The following YWHAQ variants were observed in gnomAD, a reference collection of about 807,000 sequenced individuals.
YWHAQ encodes the protein 14-3-3 protein theta.
YWHAQ carries 6 observed loss-of-function variants against 28.3 expected under a neutral mutation model. That is an observed-to-expected ratio of 0.21 (90% CI 0.12 to 0.42). The LOEUF (loss-of-function observed/expected upper bound fraction) is 0.42, where lower values mean the gene tolerates loss of function less well. YWHAQ is among the 10% of genes least tolerant of loss of function. YWHAQ has a pLI of 1.00. For synonymous variants in YWHAQ, 143 were observed against 119.1 expected (o/e 1.20, Z -1.31); for missense variants, 201 against 305.6 (o/e 0.66, Z 2.55).
chr2:9,601,984 A>G (rs1006802615), intron 2 of YWHAQ, among the ~76,000 whole-genome samples: 2 of 152,210 alleles, frequency 1.3e-5, no homozygotes, highest in African/African-American at 4.8e-5. Flanking sequence ...AGTTGTCTAT[A>G]TATCAAATGA....
chr2:9,627,508 T>C (rs148148224), intron 2 of YWHAQ, among the ~76,000 whole-genome samples: 2 of 152,292 alleles, frequency 1.3e-5, no homozygotes, highest in African/African-American at 4.8e-5. Flanking sequence ...GATCACAGAC[T>C]GGTTAGTCAG....
At chr2:9,628,089 T>C (rs1477926213) in intron 2 of YWHAQ, among the ~76,000 whole-genome samples, 1 of 152,230 alleles carries the variant, frequency 6.6e-6, no homozygotes, top group Non-Finnish European at 1.5e-5. Context: ...CCTCCCCATA[T>C]TGCTCAGAGC....
At chr2:9,592,939 C>T (rs759544107) in intron 2 of YWHAQ, among the ~76,000 whole-genome samples, 6 of 152,110 alleles carry the variant, frequency 3.9e-5, no homozygotes, top group Non-Finnish European at 7.4e-5. Flanking sequence ...TTGAAAAGCA[C>T]TGCTCTAGGA....
intron 2 of YWHAQ, among the ~76,000 whole-genome samples, chr2:9,606,682 G>T (rs560408624): frequency 6.6e-6 from 1 of 151,512 alleles, no homozygotes; most frequent in Admixed American, 6.6e-5. Context: ...GGCACATGCC[G>T]CCACACTGGG....
intron 2 of YWHAQ, among the ~76,000 whole-genome samples, chr2:9,603,301 G>A (rs879803635): frequency 1.2e-4 from 17 of 143,536 alleles, no homozygotes; most frequent in Non-Finnish European, 9.0e-5. Context: ...CTGGAGTCTC[G>A]CTCTGTTGCC....
chr2:9,590,702 T>C (rs1336051423), intron 3 of YWHAQ, among the ~76,000 whole-genome samples: 1 of 152,188 alleles, frequency 6.6e-6, no homozygotes, highest in African/African-American at 2.4e-5. Flanking sequence ...TATCCATGTT[T>C]TCTATGATAG....
At chr2:9,605,110 A>G (rs1214521902) in intron 2 of YWHAQ, among the ~76,000 whole-genome samples, 1 of 151,842 alleles carries the variant, frequency 6.6e-6, no homozygotes, top group African/African-American at 2.4e-5. Context: ...ATTCCTAAGA[A>G]AAAATGATAG....
intron 2 of YWHAQ, among the ~76,000 whole-genome samples, chr2:9,629,462 C>G (rs114363831): frequency 0.023 from 3,548 of 152,296 alleles, 73 homozygotes; most frequent in Non-Finnish European, 0.039. Flanking sequence ...AGTTCAAAAC[C>G]TGGAAAGCTT....
At chr2:9,608,650 C>T (rs1010774467) in intron 2 of YWHAQ, among the ~76,000 whole-genome samples, 2 of 152,146 alleles carry the variant, frequency 1.3e-5, no homozygotes, top group Admixed American at 6.5e-5. Context: ...GCAACATCCA[C>T]GCTATTAAAA....
chr2:9,613,089 C>T (rs1666981760), intron 2 of YWHAQ, among the ~76,000 whole-genome samples: 1 of 152,156 alleles, frequency 6.6e-6, no homozygotes, highest in South Asian at 2.1e-4. Flanking sequence ...CTATTTTACT[C>T]GTCTAGCACC....
At chr2:9,587,338 G>A (rs1211231578) in intron 5 of YWHAQ, 76 bp downstream of exon 5, 2 of 1,335,602 alleles carry the variant, frequency 1.5e-6, no homozygotes, top group African/African-American at 3.0e-5. Flanking sequence ...TTCCCTAAAA[G>A]ACACGAAGTC....
chr2:9,616,443 CAAA>C (rs748362781), intron 2 of YWHAQ, among the ~76,000 whole-genome samples: 11 of 89,602 alleles, frequency 1.2e-4, no homozygotes, highest in Non-Finnish European at 1.3e-4. Flanking sequence ...CATAAGCAAC[CAAA>C]AAAAAAAAAA....
chr2:9,627,054 C>T (rs557728964), intron 2 of YWHAQ, among the ~76,000 whole-genome samples: 1 of 152,336 alleles, frequency 6.6e-6, no homozygotes, highest in East Asian at 1.9e-4. Context: ...TAACTCCCCT[C>T]ATCTTAGAGA....
intron 2 of YWHAQ, among the ~76,000 whole-genome samples, chr2:9,628,431 A>G (rs772433182): frequency 6.6e-6 from 1 of 152,218 alleles, no homozygotes; most frequent in Non-Finnish European, 1.5e-5. Flanking sequence ...AAAAAGCAGA[A>G]TTTATAAGAG....
At chr2:9,595,309 T>C (rs774008508) in intron 2 of YWHAQ, among the ~76,000 whole-genome samples, 7 of 152,180 alleles carry the variant, frequency 4.6e-5, no homozygotes, top group Admixed American at 2.0e-4. Context: ...AGATAGAATA[T>C]AGCCTATAAA....
At chr2:9,610,861 C>T (rs1223529328) in intron 2 of YWHAQ, among the ~76,000 whole-genome samples, 1 of 152,104 alleles carries the variant, frequency 6.6e-6, no homozygotes, top group Admixed American at 6.6e-5. Context: ...ACTATTGATT[C>T]TGCTCCCCTA....
In YWHAQ at chr2:9,630,292, C is replaced by T; in HGVS notation, c.161G>A (p.Gly54Asp). The change falls in exon 2 of 6, where the codon GGC (glycine) becomes GAC (aspartate). Residue 54 changes from glycine to aspartate, a missense_variant. Around this residue, in one of 2 missense-constraint regions of YWHAQ, gnomAD observed 162 missense variants for 213.9 expected, o/e 0.76. Transcript: ENST00000238081. The surrounding 1 kb of genome is among the most constrained non-coding windows in gnomAD (Gnocchi z 5.6). ...GATGACCCTCCAGGCGGACCTGCGG[C>T]CCCCGACCACGTTCTTGTAGGCCAC... is the stretch of plus-strand genomic sequence containing the variant. ...LSVAYKNVVG[G>D]RRSAWRVISS... The T allele has an allele frequency of 1.9e-6, 3 of 1,614,160 alleles. No homozygotes were observed. The highest frequency in any genetic ancestry group is 1.3e-5 in the African/African-American group (1 of 75,052).
intron 2 of YWHAQ, among the ~76,000 whole-genome samples, chr2:9,618,451 A>G (rs1485221697): frequency 1.3e-5 from 2 of 152,218 alleles, no homozygotes; most frequent in Non-Finnish European, 2.9e-5. Flanking sequence ...TTATTTGTGT[A>G]GCAATCATCA....
chr2:9,595,658 A>G (rs1466296834), intron 2 of YWHAQ, among the ~76,000 whole-genome samples: 1 of 145,240 alleles, frequency 6.9e-6, no homozygotes, highest in Non-Finnish European at 1.5e-5. Context: ...GAGCTGAGAT[A>G]TTGCACTCCA....
Sources: gnomAD v4.1 joint callset for allele counts (sites outside exome capture counted in the v4.1 genomes callset) on GRCh38, gnomAD v4.1.1 for gene constraint, gnomAD v4.1.1 regional missense constraint, Gnocchi (gnomAD v3.1) non-coding constraint, MANE v1.5 for transcripts, NCBI Gene and HGNC (gene_info 2026-07-23, HGNC 2026-07-21) for gene names.